The following DEPTOR variants were observed in gnomAD, a reference collection of about 807,000 sequenced individuals.
DEPTOR encodes DEP domain containing MTOR interacting protein.
A neutral mutation model predicts 41.6 loss-of-function variants in DEPTOR; 41 were observed. The observed-to-expected ratio is 0.98, with a 90% confidence interval of 0.77 to 1.28. The LOEUF is 1.28. Among genes scored for constraint, DEPTOR ranks in the 50% most tolerant of loss-of-function variants. The pLI is 0.00. For missense variants in DEPTOR, 514 were observed against 527.9 expected (o/e 0.97, Z 0.26); for synonymous variants, 195 against 192.3 (o/e 1.01, Z -0.12).
intron 1 of DEPTOR, among the ~76,000 whole-genome samples, chr8:119,915,754 G>A (rs1275709808): frequency 1.3e-5 from 2 of 152,134 alleles, no homozygotes; most frequent in Non-Finnish European, 2.9e-5. Flanking sequence ...TGATACCATA[G>A]AAGAGATGAG....
rs539493242 is a variant in DEPTOR, at chr8:119,994,886, C to T, written c.605-6639C>T. Among the ~76,000 whole-genome samples the T allele has an allele frequency of 5.5e-4, 77 of 140,704 alleles. 3 individuals carry two copies. The highest frequency in any genetic ancestry group is 6.2e-4 in the East Asian group (3 of 4,858). 92.3% of individuals were successfully genotyped at this position (140,704 alleles called of 152,430 possible). The stretch of plus-strand genomic sequence containing the variant: ...GAGCCGAGCTTGCACCAATGCACTC[C>T]AGCCTGGGCAACACAGTGAGACTCT... On this transcript the variant is annotated intron_variant, in intron 4 of 8. Coordinates refer to ENST00000286234, the MANE Select transcript of DEPTOR (RefSeq NM_022783.4).
intron 3 of DEPTOR, among the ~76,000 whole-genome samples, chr8:119,941,769 G>T (rs1828207352): frequency 6.6e-6 from 1 of 152,226 alleles, no homozygotes; most frequent in South Asian, 2.1e-4. Flanking sequence ...GGGAAATTGA[G>T]TCTAGAGAGT....
chr8:120,046,121 T>C (rs994207297), intron 8 of DEPTOR, among the ~76,000 whole-genome samples: 1 of 152,172 alleles, frequency 6.6e-6, no homozygotes, highest in Non-Finnish European at 1.5e-5. Context: ...TACCCACTGT[T>C]AGCATCAGGG....
rs183400786 is a variant in DEPTOR, at chr8:119,972,989, G to T, written c.604+7579G>T. 2.9e-4 allele frequency among the ~76,000 whole-genome samples: 44 copies of T among 152,032 alleles called. 1 individual carries two copies. In the East Asian group the frequency reaches 7.2e-3, roughly 25 times the overall value. ...AGTTTCGCTCTTGTTGCCCAGGCTG[G>T]AGTGCAATGGTGTGATCTTGGCTTA... On this transcript the variant is annotated intron_variant, in intron 4 of 8. Transcript: ENST00000286234.
intron 3 of DEPTOR, among the ~76,000 whole-genome samples, chr8:119,947,489 A>C (rs1828298249): frequency 6.6e-6 from 1 of 152,112 alleles, no homozygotes; most frequent in South Asian, 2.1e-4. Context: ...CATCGACCCT[A>C]GACTGAAGTT....
intron 3 of DEPTOR, 136 bp from the exon 4 acceptor site, chr8:119,965,096 A>T: frequency 1.1e-6 from 1 of 935,522 alleles, no homozygotes; most frequent in Non-Finnish European, 1.6e-6. Context: ...AAGAAATTAC[A>T]TGTGTGGTGG....
intron 1 of DEPTOR, among the ~76,000 whole-genome samples, chr8:119,876,412 C>T (rs148733530): frequency 0.019 from 2,838 of 152,174 alleles, 87 homozygotes; most frequent in African/African-American, 0.064. Context: ...CCAAGGCAGG[C>T]GGATCCCTTG....
intron 3 of DEPTOR, among the ~76,000 whole-genome samples, chr8:119,950,439 G>A (rs534378603): frequency 1.0e-3 from 152 of 151,460 alleles, no homozygotes; most frequent in African/African-American, 3.6e-3. Flanking sequence ...TTTTTGAGAC[G>A]AAGTCTTGCT....
At chr8:119,967,375 C>T (rs755641385) in intron 4 of DEPTOR, among the ~76,000 whole-genome samples, 5 of 151,754 alleles carry the variant, frequency 3.3e-5, no homozygotes, top group African/African-American at 4.8e-5. Context: ...CCACCATGCC[C>T]GGCTTGGAAT....
At chr8:119,898,425 TA>T (rs1827547327) in intron 1 of DEPTOR, among the ~76,000 whole-genome samples, 1 of 152,180 alleles carries the variant, frequency 6.6e-6, no homozygotes, top group Admixed American at 6.5e-5. Flanking sequence ...ATTTTAATTT[TA>T]AAAGCCTTGT....
intron 8 of DEPTOR, among the ~76,000 whole-genome samples, chr8:120,017,321 G>A (rs951537747): frequency 1.3e-5 from 2 of 152,130 alleles, no homozygotes; most frequent in African/African-American, 4.8e-5. Flanking sequence ...CACCCAGCTT[G>A]TAAATGTCAG....
chr8:119,906,131 C>T (rs1827660166), intron 1 of DEPTOR, among the ~76,000 whole-genome samples: 1 of 151,992 alleles, frequency 6.6e-6, no homozygotes, highest in African/African-American at 2.4e-5. Flanking sequence ...TATACTAATG[C>T]ACTCTGTATA....
chr8:119,933,116 T>C (rs1230914485), intron 3 of DEPTOR, among the ~76,000 whole-genome samples: 3 of 152,088 alleles, frequency 2.0e-5, no homozygotes, highest in Non-Finnish European at 4.4e-5. Context: ...CTGCATGTGC[T>C]GTTCCCTCTG....
chr8:120,003,962 A>C (rs150788535), intron 6 of DEPTOR, among the ~76,000 whole-genome samples: 1 of 152,292 alleles, frequency 6.6e-6, no homozygotes, highest in Admixed American at 6.5e-5. Context: ...GAACACTCTC[A>C]AACCCATTTG....
rs1384117512 is a variant in DEPTOR at position 120,009,062 on chromosome 8, G to C, written c.1030G>C (p.Val344Leu). 2 of 1,613,982 alleles carry C rather than the reference G, an allele frequency of 1.2e-6. No individual in the cohort carries two copies. Among genetic ancestry groups the C allele is most frequent in the Admixed American group, 3.3e-5 (2 of 59,980 alleles). The stretch of plus-strand genomic sequence containing the variant: ...TGACGCGGTTGGCTGGGGTTTTGTG[G>C]TGCGAGGAAGTAAGCCATGCCACAT... Reference protein sequence around the residue: ...VGDAVGWGFVVRGSKPCHIQA... With the variant: ...VGDAVGWGFVLRGSKPCHIQA... The change falls in exon 8 of 9, where the codon GTG (valine) becomes CTG (leucine). Residue 344 changes from valine (V) to leucine (L), a missense_variant. Physicochemically the swap from Val to Leu is conservative, Grantham distance 32. Transcript: ENST00000286234.
intron 3 of DEPTOR, among the ~76,000 whole-genome samples, chr8:119,940,681 A>T (rs1053203767): frequency 3.3e-5 from 5 of 152,182 alleles, no homozygotes; most frequent in Non-Finnish European, 5.9e-5. Context: ...GGGAGGTTGC[A>T]GTGAGCCGAA....
intron 1 of DEPTOR, among the ~76,000 whole-genome samples, chr8:119,880,492 A>G (rs1215481968): frequency 6.6e-6 from 1 of 152,174 alleles, no homozygotes; most frequent in Non-Finnish European, 1.5e-5. Context: ...ACTGTTCCCA[A>G]CTAGTGACTT....
intron 4 of DEPTOR, among the ~76,000 whole-genome samples, chr8:119,983,333 C>G (rs975992659): frequency 1.6e-4 from 24 of 151,758 alleles, no homozygotes; most frequent in Non-Finnish European, 2.1e-4. Context: ...TTACTGCAAC[C>G]GAGTAGCTGG....
intron 4 of DEPTOR, among the ~76,000 whole-genome samples, chr8:119,974,487 T>A (rs1412738227): frequency 6.6e-6 from 1 of 151,362 alleles, no homozygotes; most frequent in Non-Finnish European, 1.5e-5. Flanking sequence ...AAAGAGTAGT[T>A]CAGGCCAGGC....
Sources: gnomAD v4.1 joint callset for allele counts (sites outside exome capture counted in the v4.1 genomes callset) on GRCh38, gnomAD v4.1.1 for gene constraint, MANE v1.5 for transcripts, NCBI Gene and HGNC (gene_info 2026-07-23, HGNC 2026-07-21) for gene names.